TFR2: variants seen among roughly 807,000 people sequenced by gnomAD.
TFR2 encodes transferrin receptor 2.
A neutral mutation model predicts 91.9 loss-of-function variants in TFR2; 64 were observed. The ratio of observed to expected loss-of-function variants is 0.70; its 90% confidence interval spans 0.57 to 0.86. TFR2 has a LOEUF of 0.86. Among genes scored for constraint, TFR2 ranks in the 40% least tolerant of loss-of-function variants. The probability of loss-of-function intolerance (pLI) is 0.00; values close to 1 mark genes in which losing one functional copy is unlikely to be tolerated. For synonymous variants in TFR2, 454 were observed against 459.6 expected, an observed-to-expected ratio of 0.99 and a Z score of 0.15; for missense variants, 950 against 1,080.5, an observed-to-expected ratio of 0.88 and a Z score of 1.69.
chr7:100,626,343 C>T (rs1226916131), intron 17 of TFR2: 1 of 647,318 alleles, frequency 1.5e-6, no homozygotes, highest in Non-Finnish European at 1.9e-6. Context: ...GAAAACAGCT[C>T]TCTTACTCTG....
intron 3 of TFR2, among the ~76,000 whole-genome samples, chr7:100,638,516 G>A (rs192630425): frequency 2.6e-4 from 40 of 151,908 alleles, no homozygotes; most frequent in Admixed American, 7.9e-4. Flanking sequence ...TTGGGAGGCC[G>A]TGGTGGGTGG....
chr7:100,625,228 T>C (rs1204205124), intron 17 of TFR2, among the ~76,000 whole-genome samples: 8 of 151,802 alleles, frequency 5.3e-5, no homozygotes, highest in Non-Finnish European at 8.8e-5. Context: ...CCCAGCTAAT[T>C]TTGTATTTTT....
intron 17 of TFR2, among the ~76,000 whole-genome samples, chr7:100,624,935 C>T (rs1281250518): frequency 1.3e-5 from 2 of 151,930 alleles, no homozygotes; most frequent in African/African-American, 4.8e-5. Context: ...AGTTCACCAA[C>T]CCCTGGTCTA....
At position 100,640,791 on chromosome 7, in the gene TFR2, T is replaced by C. The variant is rs1034276574; in HGVS notation, c.368A>G (p.Asn123Ser). 3 of 1,614,140 alleles carry C rather than the reference T, an allele frequency of 1.9e-6. No individual in the cohort carries two copies. Among genetic ancestry groups the C allele is most frequent in the Non-Finnish European group, 2.5e-6 (3 of 1,180,002 alleles). Residue 123 changes from asparagine (N) to serine (S), a missense_variant, in exon 3 of 18, where the codon AAC becomes AGC. By Grantham distance (46) the Asn-to-Ser change is conservative (BLOSUM62 1). Coordinates refer to ENST00000223051, the MANE Select transcript of TFR2 (RefSeq NM_003227.4). ...DSVLVVSEDV[N>S]YEPDLDFHQG... ...GTGGAAATCCAGGTCAGGCTCATAGTTGACATCCTCACTGACCACCAACAC... is the reference window on the plus strand; with the variant it reads ...GTGGAAATCCAGGTCAGGCTCATAGCTGACATCCTCACTGACCACCAACAC...
In TFR2 at chr7:100,633,422, G is replaced by A; in HGVS notation, c.608C>T (p.Pro203Leu). The change falls in exon 4 of 18, where the codon CCG becomes CTG. Residue 203 changes from proline (P) to leucine (L), a missense_variant. Physicochemically the swap from Pro to Leu is moderately conservative, Grantham distance 98 (BLOSUM62 -3). Transcript: ENST00000223051. ...CGCCCGCGCGCGCACTCACGGATCC[G>A]GGAATTGCAGCCCCACGTAGTGCGT... ...TDTHYVGLQFPDPAHPNTLHW... is the reference protein window; with the variant it reads ...TDTHYVGLQFLDPAHPNTLHW... 2 of 1,610,600 alleles carry A rather than the reference G, an allele frequency of 1.2e-6. No homozygotes were observed. The highest frequency in any genetic ancestry group is 1.1e-5 in the South Asian group (1 of 90,896).
Position 100,621,057 on chromosome 7 carries a change from G to A in TFR2, c.2206C>T (p.Arg736Cys), listed in dbSNP as rs1803094599. The stretch of plus-strand genomic sequence containing the variant: ...AGGGCGCCCAGCGTGTGGTCTCCAC[G>A]GCCCATGAAGATGTGGCGGAACGGG... ...DSPFRHIFMG[R>C]GDHTLGALLD... Residue 736 changes from arginine (R) to cysteine (C), a missense_variant, in exon 18 of 18, where the codon CGT becomes TGT. Physicochemically the swap from Arg to Cys is radical, Grantham distance 180 (BLOSUM62 -3). Coordinates refer to ENST00000223051, the MANE Select transcript of TFR2 (RefSeq NM_003227.4). 2.5e-6 allele frequency: 4 copies of A among 1,568,946 alleles called. No homozygotes were observed. The highest frequency in any genetic ancestry group is 1.2e-5 in the South Asian group (1 of 86,448).
At chr7:100,635,294 T>G (rs1463615643) in intron 3 of TFR2, among the ~76,000 whole-genome samples, 1 of 151,566 alleles carries the variant, frequency 6.6e-6, no homozygotes, top group African/African-American at 2.4e-5. Context: ...CAGCCTGGAG[T>G]GCAGTGGCAT....
chr7:100,623,274 AAAAC>A (rs766956590), intron 17 of TFR2, among the ~76,000 whole-genome samples: 6 of 152,248 alleles, frequency 3.9e-5, no homozygotes, highest in Non-Finnish European at 8.8e-5. Flanking sequence ...TCCGTCTCAA[AAAAC>A]AAACAAAAAC....
Position 100,633,078 on chromosome 7 carries a change from C to T in TFR2, c.772G>A (p.Asp258Asn). ...AHYGRPEDLQ[D>N]LRARGVDPVG... ...GGATCCACGCCCCTGGCCCGCAGGTCCTGCAGGTCTTCGGGCCGCCCGTAG... is the reference window on the plus strand; with the variant it reads ...GGATCCACGCCCCTGGCCCGCAGGTTCTGCAGGTCTTCGGGCCGCCCGTAG... The change falls in exon 6 of 18, where the codon GAC becomes AAC. Residue 258 changes from aspartate to asparagine, a missense_variant. By Grantham distance (23) the Asp-to-Asn change is conservative (BLOSUM62 1). Transcript: ENST00000223051. 6.2e-7 allele frequency: 1 copy of T among 1,613,632 alleles called. No homozygotes were observed. The highest frequency in any genetic ancestry group is 8.5e-7 in the Non-Finnish European group (1 of 1,179,984).
chr7:100,626,263 CTTGT>C (rs1243408042), intron 17 of TFR2, among the ~76,000 whole-genome samples: 2 of 152,112 alleles, frequency 1.3e-5, no homozygotes, highest in Non-Finnish European at 2.9e-5. Flanking sequence ...GGAATAAGCT[CTTGT>C]TTAACTTTCA....
At chr7:100,626,049 C>A (rs1443429477) in intron 17 of TFR2, among the ~76,000 whole-genome samples, 1 of 152,180 alleles carries the variant, frequency 6.6e-6, no homozygotes, top group Non-Finnish European at 1.5e-5. Flanking sequence ...GCTCACCCCA[C>A]ACTCATTGAG....
chr7:100,620,701 TG>T lies in TFR2; in HGVS notation c.*155del. On this transcript the variant is annotated 3_prime_UTR_variant, in exon 18 of 18. Transcript: ENST00000223051. ...GGCTGGGGTGTGTGGATATCTGTGC[TG>T]GGGTCTGGGCTCCGTGGAGAGATGT... 9.9e-7 allele frequency: 1 copy of T among 1,006,738 alleles called. No individual in the cohort carries two copies. The highest frequency in any genetic ancestry group is 1.5e-6 in the Non-Finnish European group (1 of 677,340). The allele number at this position is 1,006,738 out of a possible 1,614,324, so 62.4% of individuals were successfully genotyped here. A position where few individuals can be genotyped will look rare whatever the true frequency, so the allele number is the denominator to read the frequency against.
At chr7:100,626,120 C>A (rs1253059078) in intron 17 of TFR2, among the ~76,000 whole-genome samples, 1 of 152,096 alleles carries the variant, frequency 6.6e-6, no homozygotes, top group Non-Finnish European at 1.5e-5. Context: ...TCCCTACTCA[C>A]CCATTTCTTG....
chr7:100,639,001 C>T (rs761510862), intron 3 of TFR2, among the ~76,000 whole-genome samples: 1 of 152,130 alleles, frequency 6.6e-6, no homozygotes, highest in Non-Finnish European at 1.5e-5. Flanking sequence ...TAATCATACA[C>T]CTTGATCAAG....
Position 100,627,329 on chromosome 7 carries a change from C to T in TFR2, c.1930G>A (p.Gly644Ser), listed in dbSNP as rs1003429018. 3.9e-6 allele frequency: 6 copies of T among 1,550,686 alleles called. No homozygotes were observed. The highest frequency in any genetic ancestry group is 2.0e-5 in the Admixed American group (1 of 51,000). The stretch of plus-strand genomic sequence containing the variant: ...CTGAGGACGACGTCCCCGTAGCGGC[C>T]GAAGTCGAGGGGCAGCAGGCGATCG... ...SHDRLLPLDFGRYGDVVLRHI... is the reference protein window; with the variant it reads ...SHDRLLPLDFSRYGDVVLRHI... Residue 644 changes from glycine (G) to serine (S), a missense_variant, in exon 16 of 18, where the codon GGC becomes AGC. Transcript: ENST00000223051.
At position 100,627,273 on chromosome 7, in the gene TFR2, C is replaced by A; in HGVS notation, c.1986G>T (p.Gly662=). 6.5e-7 allele frequency: 1 copy of A among 1,549,132 alleles called. No individual in the cohort carries two copies. Among genetic ancestry groups the A allele is most frequent in the Non-Finnish European group, 8.7e-7 (1 of 1,146,760 alleles). Residue 662 remains glycine (G), a synonymous_variant, in exon 16 of 18, where the codon GGG becomes GGT. Coordinates refer to ENST00000223051, the MANE Select transcript of TFR2 (RefSeq NM_003227.4). ...GGTGGGCCTCTTGAACCTTGAGGTC[C>A]CCAGAGAACTCGTTGAGGTTCCCGA... ...RHIGNLNEFS[G]DLKARGLTLQ...
rs2131320942 is a variant in TFR2, at chr7:100,633,557, C to T, written c.474-1G>A. ...CACCCGTTCCCGAAGGCTGGTTTGC[C>T]TAAGCGGGGAGAGGTGGGGACTTTT... On this transcript the variant is annotated splice_acceptor_variant, in intron 3 of 17. Coordinates refer to ENST00000223051, the MANE Select transcript of TFR2 (RefSeq NM_003227.4). LOFTEE classifies it high-confidence loss of function. The T allele has an allele frequency of 1.2e-6, 2 of 1,601,124 alleles. No individual in the cohort carries two copies. The highest frequency in any genetic ancestry group is 1.7e-6 in the Non-Finnish European group (2 of 1,178,752).
chr7:100,622,463 A>C (rs548545009), intron 17 of TFR2, among the ~76,000 whole-genome samples: 2 of 152,290 alleles, frequency 1.3e-5, no homozygotes, highest in African/African-American at 4.8e-5. Flanking sequence ...TCACCCTCAA[A>C]GGGGAGTGAG....
At chr7:100,626,213 G>T (rs1391033183) in intron 17 of TFR2, among the ~76,000 whole-genome samples, 1 of 152,140 alleles carries the variant, frequency 6.6e-6, no homozygotes, top group African/African-American at 2.4e-5. Flanking sequence ...TGGGGTGTGG[G>T]CTGCAAAGGA....
Sources: gnomAD v4.1 joint callset for allele counts (sites outside exome capture counted in the v4.1 genomes callset) on GRCh38, gnomAD v4.1.1 for gene constraint, MANE v1.5 for transcripts, NCBI Gene and HGNC (gene_info 2026-07-23, HGNC 2026-07-21) for gene names.